The following SMARCE1 variants were observed in gnomAD, a reference collection of about 807,000 sequenced individuals.
The protein encoded by SMARCE1 is SWI/SNF-related matrix-associated actin-dependent regulator of chromatin subfamily E member 1.
SMARCE1 carries 13 observed loss-of-function variants against 54.9 expected under a neutral mutation model. The ratio of observed to expected loss-of-function variants is 0.24; its 90% CI spans 0.15 to 0.38. The LOEUF (loss-of-function observed/expected upper bound fraction) is 0.38, where lower values mean the gene tolerates loss of function less well. SMARCE1 is among the 10% of genes least tolerant of loss of function. The probability of loss-of-function intolerance (pLI) is 1.00; values close to 1 mark genes in which losing one functional copy is unlikely to be tolerated. For synonymous variants in SMARCE1, 151 were observed against 175.3 expected (o/e 0.86, Z 1.10); for missense variants, 295 against 523.8 (o/e 0.56, Z 4.26).
At chr17:40,634,126 CTCTT>C (rs2037123352) in intron 7 of SMARCE1, 1 of 152,184 alleles carries the variant, frequency 6.6e-6, no homozygotes. Flanking sequence ...TGCACATGCC[CTCTT>C]TTTTTTTTCT....
chr17:40,636,363 A>G (rs1164840477), intron 6 of SMARCE1, 32 bp downstream of exon 6: 15 of 1,598,476 alleles, frequency 9.4e-6, no homozygotes, highest in Non-Finnish European at 1.3e-5. Context: ...TACTTTACAC[A>G]TTATCTATCC....
intron 3 of SMARCE1, chr17:40,643,093 A>T (rs1339993890): frequency 6.6e-6 from 1 of 152,280 alleles, no homozygotes; most frequent in Non-Finnish European, 1.5e-5. Flanking sequence ...ATATAATGTG[A>T]GAAATGAGTA....
chr17:40,630,672 A>G (rs1347977586), intron 10 of SMARCE1, 42 bp downstream of exon 10: 9 of 1,527,782 alleles, frequency 5.9e-6, no homozygotes, highest in Admixed American at 3.3e-5. Flanking sequence ...ACAGCCGTAC[A>G]AAGTCTTGGC....
intron 10 of SMARCE1, chr17:40,630,331 G>T: frequency 1.1e-6 from 1 of 879,568 alleles, no homozygotes; most frequent in Non-Finnish European, 1.9e-6. Context: ...CGCAGGCCAG[G>T]CAGTTGTTGT....
chr17:40,647,580 G>A (rs1372891120), intron 1 of SMARCE1, 193 bp downstream of exon 1: 1 of 152,844 alleles, frequency 6.5e-6, no homozygotes, highest in Non-Finnish European at 1.5e-5. Context: ...TTGCCTCCAA[G>A]GAGGGGGCCC....
intron 4 of SMARCE1, chr17:40,640,891 T>C (rs1410220848): frequency 6.6e-6 from 1 of 152,196 alleles, no homozygotes; most frequent in Admixed American, 6.5e-5. Flanking sequence ...ATGAGTGACT[T>C]CAGATAGGGA....
At chr17:40,631,060 G>A in intron 9 of SMARCE1, 136 bp from the exon 10 acceptor site, 1 of 666,642 alleles carries the variant, frequency 1.5e-6, no homozygotes, top group Non-Finnish European at 2.5e-6. Context: ...GTGTGTGTGT[G>A]CCAAAAAAAT....
chr17:40,630,384 A>G (rs960460318), intron 10 of SMARCE1: 1 of 676,126 alleles, frequency 1.5e-6, no homozygotes. Flanking sequence ...AAGCAGCCAC[A>G]GACAGTATGT....
In SMARCE1 at chr17:40,632,306, G is replaced by A; in HGVS notation, c.603C>T (p.Arg201=). ...TATARFQRNH[R]LISEILSESV... is the part of the protein sequence containing the mutation. ...TCTCACTAAGAATTTCACTGATGAG[G>A]CGGTGGTTTCTCTGGAAACGGGCGG... The change falls in exon 8 of 11, where the codon CGC becomes CGT. Residue 201 remains arginine, a synonymous_variant. Coordinates refer to ENST00000348513, the MANE Select transcript of SMARCE1 (RefSeq NM_003079.5). 6.2e-7 allele frequency: 1 copy of A among 1,614,014 alleles called. No homozygotes were observed. The highest frequency in any genetic ancestry group is 1.6e-4 in the Middle Eastern group (1 of 6,062).
Position 40,642,415 on chromosome 17 carries a change from C to T in SMARCE1, c.156+40G>A, listed in dbSNP as rs1394587016. ...ATTCTGAAGGCATTTCTGGTCAATT[C>T]CAGTTGTTTGCCGGATGCTGTAATA... On this transcript the variant is annotated intron_variant, in intron 4 of 10. Coordinates refer to ENST00000348513, the MANE Select transcript of SMARCE1 (RefSeq NM_003079.5). This position sits in a 1 kb window ranked among gnomAD's most constrained non-coding sequence, Gnocchi z 4.6. The T allele has an allele frequency of 3.3e-6, 4 of 1,222,530 alleles. No individual in the cohort carries two copies. The South Asian group carries it at 4.8e-5, about 15-fold the overall frequency. 75.7% of individuals were successfully genotyped at this position (1,222,530 alleles called of 1,614,324 possible).
At chr17:40,644,593 A>T (rs2037234706) in intron 3 of SMARCE1, 1 of 152,238 alleles carries the variant, frequency 6.6e-6, no homozygotes, top group African/African-American at 2.4e-5. Flanking sequence ...AAATGAGAAC[A>T]TATGGTACGG....
intron 4 of SMARCE1, among the ~76,000 whole-genome samples, chr17:40,637,980 C>G (rs985890865): frequency 3.3e-5 from 5 of 152,138 alleles, no homozygotes; most frequent in African/African-American, 1.2e-4. Context: ...TAACACTTAC[C>G]ATTCTCACAC....
intron 4 of SMARCE1, chr17:40,641,011 A>G (rs2037194127): frequency 6.6e-6 from 1 of 152,232 alleles, no homozygotes; most frequent in Admixed American, 6.5e-5. Flanking sequence ...ACCAAAAGAC[A>G]AATTACTGTA....
In SMARCE1 at chr17:40,636,597, T is replaced by C. The variant is rs909815765; in HGVS notation, c.238-71A>G. ...ATAGACCTTTAAAAATAGTTTTTAA[T>C]GTGGAAACTTTTCAACATACAAAGC... On this transcript the variant is annotated intron_variant, in intron 5 of 10. Coordinates refer to ENST00000348513, the MANE Select transcript of SMARCE1 (RefSeq NM_003079.5). 22 of 1,245,752 alleles carry C rather than the reference T, an allele frequency of 1.8e-5. No individual in the cohort carries two copies. In the Admixed American group the frequency reaches 3.0e-4, roughly 17 times the overall value. The allele number at this position is 1,245,752 out of a possible 1,614,324, so 77.2% of individuals were successfully genotyped here. A position where few individuals can be genotyped will look rare whatever the true frequency, so the allele number is the denominator to read the frequency against.
At chr17:40,641,456 T>C (rs1258316645) in intron 4 of SMARCE1, 1 of 152,202 alleles carries the variant, frequency 6.6e-6, no homozygotes, top group Non-Finnish European at 1.5e-5. Flanking sequence ...AGACATTCAT[T>C]TGATAGCTAC....
At position 40,630,623 on chromosome 17, in the gene SMARCE1, C is replaced by G. The variant is rs2037083577; in HGVS notation, c.1027+91G>C. The stretch of plus-strand genomic sequence containing the variant: ...GGGAATCACCCTCAGTGGCAGGTAC[C>G]AGAATACTTGCACTTAGAAAGAAAA... On this transcript the variant is annotated intron_variant, in intron 10 of 10. Transcript: ENST00000348513. 29 of 1,000,692 alleles carry G rather than the reference C, an allele frequency of 2.9e-5. 1 individual carries two copies. Among genetic ancestry groups the G allele is most frequent in the Non-Finnish European group, 4.3e-5 (27 of 632,598 alleles). 62.0% of individuals were successfully genotyped at this position (1,000,692 alleles called of 1,614,324 possible).
At position 40,627,766 on chromosome 17, in the gene SMARCE1, A is replaced by G. The variant is rs1392799822; in HGVS notation, c.*1019T>C. 3 of 152,516 alleles carry G rather than the reference A, an allele frequency of 2.0e-5. No individual in the cohort carries two copies. Among genetic ancestry groups the G allele is most frequent in the African/African-American group, 7.2e-5 (3 of 41,396 alleles). The allele number at this position is 152,516 out of a possible 1,614,324, so 9.4% of individuals were successfully genotyped here. A position where few individuals can be genotyped will look rare whatever the true frequency, so the allele number is the denominator to read the frequency against. ...ACCTTTAAGAAACATATACCATCAG[A>G]TATACCACTATTCAGTAAAAATCTA... On this transcript the variant is annotated 3_prime_UTR_variant, in exon 11 of 11. Coordinates refer to ENST00000348513, the MANE Select transcript of SMARCE1 (RefSeq NM_003079.5).
chr17:40,639,181 T>C (rs1481436672), intron 4 of SMARCE1, among the ~76,000 whole-genome samples: 1 of 152,158 alleles, frequency 6.6e-6, no homozygotes, highest in East Asian at 1.9e-4. Flanking sequence ...GGGCAGCCAA[T>C]ACAGGGAAAC....
Position 40,628,642 on chromosome 17 carries a change from A to T in SMARCE1, c.*143T>A. 1 of 623,456 alleles carries T rather than the reference A, an allele frequency of 1.6e-6. No homozygotes were observed. The highest frequency in any genetic ancestry group is 2.7e-5 in the East Asian group (1 of 36,466). 38.6% of individuals were successfully genotyped at this position (623,456 alleles called of 1,614,324 possible). On this transcript the variant is annotated 3_prime_UTR_variant, in exon 11 of 11. Coordinates refer to ENST00000348513, the MANE Select transcript of SMARCE1 (RefSeq NM_003079.5). ...GGTGACTGACTGAGCCATTAGGCTCATGATGCTAAATGGTCCAAAAGCCTT... is the reference window on the plus strand; with the variant it reads ...GGTGACTGACTGAGCCATTAGGCTCTTGATGCTAAATGGTCCAAAAGCCTT...
Sources: gnomAD v4.1 joint callset for allele counts (sites outside exome capture counted in the v4.1 genomes callset) on GRCh38, gnomAD v4.1.1 for gene constraint, Gnocchi (gnomAD v3.1) non-coding constraint, MANE v1.5 for transcripts, NCBI Gene and HGNC (gene_info 2026-07-23, HGNC 2026-07-21) for gene names.